Variants in SOCS2 observed in about 807,000 individuals in gnomAD.
The protein encoded by SOCS2 is suppressor of cytokine signaling 2.
A neutral mutation model predicts 18.6 loss-of-function variants in SOCS2; 10 were observed. The observed-to-expected ratio is 0.54, with a 90% CI of 0.33 to 0.91. The LOEUF is 0.91. Ranked by LOEUF, SOCS2 falls within the 40% of genes least tolerant of loss-of-function variation. The probability of loss-of-function intolerance (pLI) is 0.02; values close to 1 mark genes in which losing one functional copy is unlikely to be tolerated. For synonymous variants in SOCS2, 104 were observed against 104.0 expected, an observed-to-expected ratio of 1.00 and a Z score of 0.00; for missense variants, 231 against 247.2, an observed-to-expected ratio of 0.93 and a Z score of 0.44.
chr12:93,599,361 A>C, the SOCS2 span, among the ~76,000 whole-genome samples: 1 of 151,892 alleles, frequency 6.6e-6, no homozygotes, highest in Non-Finnish European at 1.5e-5. Context: ...GGGGTCTTGC[A>C]ATGTTGCCCA....
the SOCS2 span, among the ~76,000 whole-genome samples, chr12:93,611,277 A>G: frequency 6.6e-6 from 1 of 152,092 alleles, no homozygotes; most frequent in Non-Finnish European, 1.5e-5. Context: ...TCACTTTGCC[A>G]CCCAGGCTGG....
the SOCS2 span, among the ~76,000 whole-genome samples, chr12:93,608,091 C>T: frequency 4.7e-5 from 7 of 149,904 alleles, no homozygotes; most frequent in African/African-American, 1.7e-4. Context: ...GCCTTGATCT[C>T]CTGAGCTCAA....
the SOCS2 span, among the ~76,000 whole-genome samples, chr12:93,601,200 C>G: frequency 3.3e-5 from 5 of 151,412 alleles, no homozygotes; most frequent in African/African-American, 1.2e-4. Context: ...ATCCAGCGAC[C>G]TTTCTGAATT....
At chr12:93,605,253 T>C in the SOCS2 span, among the ~76,000 whole-genome samples, 15 of 152,322 alleles carry the variant, frequency 9.8e-5, no homozygotes, top group African/African-American at 3.6e-4. Flanking sequence ...AACGAGCAAG[T>C]TGCCGAGTGT....
chr12:93,577,238 A>T (rs536738369), downstream of SOCS2, among the ~76,000 whole-genome samples: 4 of 152,324 alleles, frequency 2.6e-5, no homozygotes, highest in South Asian at 8.3e-4. Context: ...CAGCACAAAC[A>T]TCTCTGGAGT....
chr12:93,572,148 G>A (rs1030672439), upstream of SOCS2: 1 of 167,976 alleles, frequency 6.0e-6, no homozygotes, highest in Non-Finnish European at 1.3e-5. This position sits in a 1 kb window ranked among gnomAD's most constrained non-coding sequence, Gnocchi z 5.0. Flanking sequence ...GGAGCCTCCC[G>A]GGCGGAGATG....
chr12:93,580,097 T>A (rs1954518016), downstream of SOCS2, among the ~76,000 whole-genome samples: 1 of 152,196 alleles, frequency 6.6e-6, no homozygotes. Context: ...TCAGCATAAA[T>A]GCCACCCAAG....
chr12:93,612,043 T>G, the SOCS2 span, among the ~76,000 whole-genome samples: 26 of 152,204 alleles, frequency 1.7e-4, no homozygotes, highest in African/African-American at 6.0e-4. Context: ...AGCTTTTCCA[T>G]GTAGCTCCAG....
chr12:93,576,460 A>G lies in SOCS2; in HGVS notation c.*1281A>G, dbSNP rs189306193. The G allele has an allele frequency of 6.6e-6, 1 of 152,244 alleles. No homozygotes were observed. Among genetic ancestry groups the G allele is most frequent in the Admixed American group, 6.5e-5 (1 of 15,288 alleles). 9.4% of individuals were successfully genotyped at this position (152,244 alleles called of 1,614,324 possible). On this transcript the variant is annotated 3_prime_UTR_variant, in exon 2 of 2. Transcript: ENST00000551556. The stretch of plus-strand genomic sequence containing the variant: ...CACTGATGTCCTCTGTGTTTCCAAA[A>G]ACATGGTTTAGAAACTACAAACATT...
chr12:93,614,535 CCTTCCTTCTTTCTTT>C, the SOCS2 span, among the ~76,000 whole-genome samples: 7 of 88,350 alleles, frequency 7.9e-5, no homozygotes, highest in African/African-American at 2.7e-4. Context: ...TTCCTTCCTT[CCTTCCTTCTTTCTTT>C]CTTTCTTTCT....
downstream of SOCS2, among the ~76,000 whole-genome samples, chr12:93,585,811 C>T (rs570826221): frequency 6.6e-6 from 1 of 152,202 alleles, no homozygotes; most frequent in South Asian, 2.1e-4. Flanking sequence ...CCAGGACTCC[C>T]GCCCCTGCCC....
chr12:93,572,647 A>G (rs1473036743), upstream of SOCS2: 3 of 668,806 alleles, frequency 4.5e-6, no homozygotes, highest in South Asian at 1.5e-5. This position sits in a 1 kb window ranked among gnomAD's most constrained non-coding sequence, Gnocchi z 5.0. Flanking sequence ...GCAGGGGTCC[A>G]GTTTGGACTG....
At chr12:93,573,118 A>C in intron 1 of SOCS2, 82 bp downstream of exon 1, 4 of 1,503,250 alleles carry the variant, frequency 2.7e-6, no homozygotes, top group Non-Finnish European at 3.6e-6. Flanking sequence ...CGAGGTGGGA[A>C]GCAAAGAATA....
the SOCS2 span, among the ~76,000 whole-genome samples, chr12:93,593,432 C>T: frequency 2.6e-5 from 4 of 152,120 alleles, no homozygotes; most frequent in African/African-American, 9.7e-5. Flanking sequence ...CCTTGATTTA[C>T]ATATACAAGG....
the SOCS2 span, among the ~76,000 whole-genome samples, chr12:93,595,135 G>A: frequency 3.3e-5 from 5 of 152,110 alleles, no homozygotes; most frequent in African/African-American, 1.2e-4. Context: ...GGGACGGGGG[G>A]TGATTTTGCT....
chr12:93,571,983 G>T, upstream of SOCS2: 1 of 259,380 alleles, frequency 3.9e-6, no homozygotes, highest in Non-Finnish European at 7.7e-6. Flanking sequence ...CCCCGGCCTC[G>T]CCTCGGAGCC....
At chr12:93,580,073 C>G (rs2136710521), downstream of SOCS2, among the ~76,000 whole-genome samples, 1 of 152,298 alleles carries the variant, frequency 6.6e-6, no homozygotes, top group East Asian at 1.9e-4. Context: ...CGCCAGCTGC[C>G]TTCTTCTCCT....
At chr12:93,612,328 T>A in the SOCS2 span, among the ~76,000 whole-genome samples, 11 of 152,278 alleles carry the variant, frequency 7.2e-5, 1 homozygote, top group Admixed American at 3.3e-4. Context: ...ATCATGCACC[T>A]GTCCTTTGGA....
chr12:93,621,785 G>A, the SOCS2 span, among the ~76,000 whole-genome samples: 2 of 152,144 alleles, frequency 1.3e-5, no homozygotes, highest in African/African-American at 4.8e-5. Context: ...GCCATGCCCA[G>A]CCTACTTAAC....
Sources: gnomAD v4.1 joint callset for allele counts (sites outside exome capture counted in the v4.1 genomes callset) on GRCh38, gnomAD v4.1.1 for gene constraint, Gnocchi (gnomAD v3.1) non-coding constraint, MANE v1.5 for transcripts, NCBI Gene and HGNC (gene_info 2026-07-23, HGNC 2026-07-21) for gene names.